AFF2: variants seen among roughly 807,000 people sequenced by gnomAD.
AFF2 encodes the protein ALF transcription elongation factor 2.
AFF2 carries 14 observed loss-of-function variants against 76.9 expected under a neutral mutation model. The ratio of observed to expected loss-of-function variants is 0.18; its 90% CI spans 0.12 to 0.28. The LOEUF is 0.28. Ranked by LOEUF, AFF2 falls within the 10% of genes least tolerant of loss-of-function variation. The pLI is 1.00. For missense variants in AFF2, 868 were observed against 1,001.1 expected (o/e 0.87, Z 1.79); for synonymous variants, 398 against 366.7 (o/e 1.09, Z -0.98).
intron 3 of AFF2, among the ~76,000 whole-genome samples, chrX:148,765,155 G>C (rs1164229204): frequency 3.6e-5 from 4 of 111,795 alleles, no homozygotes. Context: ...CAAAGTGCTG[G>C]GATTACAGGC....
At position 148,731,478 on chromosome X, in the gene AFF2, C is replaced by CTTTA. The variant is rs782310076; in HGVS notation, c.1041+68710_1041+68711insTTTA. Among the ~76,000 whole-genome samples the CTTTA allele has an allele frequency of 1.5e-3, 171 of 111,809 alleles. 1 individual carries two copies. Among genetic ancestry groups the CTTTA allele is most frequent in the African/African-American group, 5.4e-3 (166 of 30,778 alleles). ...AAATAACAGAAGAAAGGAAGCATTT[C>CTTTA]GGACAAAGCACTTACTTTAGAACAA... On this transcript the variant is annotated intron_variant, in intron 3 of 20. Coordinates refer to ENST00000370460, the MANE Select transcript of AFF2 (RefSeq NM_002025.4).
intron 3 of AFF2, among the ~76,000 whole-genome samples, chrX:148,741,307 T>C (rs1427213938): frequency 1.8e-5 from 2 of 110,728 alleles, no homozygotes; most frequent in African/African-American, 6.6e-5. Flanking sequence ...GGGTGGGTCT[T>C]CCTGTGACTG....
intron 4 of AFF2, among the ~76,000 whole-genome samples, chrX:148,831,059 T>G (rs1295511475): frequency 8.9e-6 from 1 of 112,515 alleles, no homozygotes; most frequent in African/African-American, 3.2e-5. Context: ...TATTTGCTTT[T>G]GAAAGAAGAG....
chrX:148,556,252 C>G (rs2053051443), intron 1 of AFF2, among the ~76,000 whole-genome samples: 1 of 112,173 alleles, frequency 8.9e-6, no homozygotes. Context: ...TGCCTACATC[C>G]ATGATTAGAA....
chrX:148,585,596 T>G (rs1446544740), intron 1 of AFF2, among the ~76,000 whole-genome samples: 1 of 110,383 alleles, frequency 9.1e-6, no homozygotes, highest in African/African-American at 3.3e-5. Context: ...TCCCAGCACT[T>G]TGGGAGGCCG....
intron 2 of AFF2, among the ~76,000 whole-genome samples, chrX:148,660,628 T>C (rs781963439): frequency 8.9e-6 from 1 of 112,144 alleles, no homozygotes; most frequent in African/African-American, 3.2e-5. Context: ...CACTCCCTCC[T>C]GTGCACTGAA....
chrX:148,652,270 T>A (rs1011307388), intron 2 of AFF2, 139 bp downstream of exon 2: 5 of 458,171 alleles, frequency 1.1e-5, no homozygotes, highest in African/African-American at 2.5e-5. Flanking sequence ...ATACACTGTA[T>A]TTGAGGCAAC....
intron 1 of AFF2, among the ~76,000 whole-genome samples, chrX:148,596,630 A>G (rs1355008509): frequency 8.9e-6 from 1 of 112,371 alleles, no homozygotes; most frequent in East Asian, 2.8e-4. Flanking sequence ...CAATTAGGCC[A>G]AATAGTGATA....
intron 1 of AFF2, among the ~76,000 whole-genome samples, chrX:148,567,236 C>A (rs1293350821): frequency 8.9e-6 from 1 of 111,798 alleles, no homozygotes; most frequent in African/African-American, 3.3e-5. Context: ...TAGTTCAATA[C>A]CTCTTTCATG....
intron 2 of AFF2, among the ~76,000 whole-genome samples, chrX:148,656,186 G>T (rs1366061106): frequency 2.7e-5 from 3 of 111,969 alleles, no homozygotes; most frequent in African/African-American, 6.5e-5. Context: ...GATTTGGTTG[G>T]TAATAGGGAA....
At chrX:148,610,578 C>G (rs1470336009) in intron 1 of AFF2, among the ~76,000 whole-genome samples, 7 of 111,714 alleles carry the variant, frequency 6.3e-5, no homozygotes, top group African/African-American at 2.3e-4. Flanking sequence ...AGTTGTGTAG[C>G]TGCATCTTTT....
intron 5 of AFF2, among the ~76,000 whole-genome samples, chrX:148,838,290 A>G (rs140884413): frequency 8.9e-6 from 1 of 112,271 alleles, no homozygotes; most frequent in African/African-American, 3.2e-5. Context: ...CTATTCTAAC[A>G]TACTTTAAAA....
chrX:148,875,697 C>T (rs1039082433), intron 7 of AFF2, among the ~76,000 whole-genome samples: 92 of 111,258 alleles, frequency 8.3e-4, no homozygotes, highest in Non-Finnish European at 3.4e-4. Context: ...AAGGGAGTAT[C>T]CTTCTCTACT....
At chrX:148,684,617 A>T (rs1349167657) in intron 3 of AFF2, among the ~76,000 whole-genome samples, 1 of 112,322 alleles carries the variant, frequency 8.9e-6, no homozygotes, top group Non-Finnish European at 1.9e-5. Flanking sequence ...AGGCACTTAG[A>T]ACAAATATAT....
chrX:148,815,089 G>T (rs1603305606), intron 4 of AFF2, among the ~76,000 whole-genome samples: 1 of 111,998 alleles, frequency 8.9e-6, no homozygotes. Context: ...GAATGTTTCA[G>T]AAAGCATGTA....
chrX:148,882,982 T>C (rs1268801508), intron 7 of AFF2, among the ~76,000 whole-genome samples: 3 of 111,661 alleles, frequency 2.7e-5, no homozygotes, highest in Non-Finnish European at 5.6e-5. Context: ...GCTTGTTGCA[T>C]GGTGGGGATG....
intron 11 of AFF2, among the ~76,000 whole-genome samples, chrX:148,956,878 C>A: frequency 8.8e-6 from 1 of 113,028 alleles, no homozygotes; most frequent in Non-Finnish European, 1.9e-5. Flanking sequence ...AGAAAGTCTC[C>A]TTACTTAGGC....
rs781896397 is a variant in AFF2 at position 148,973,513 on chromosome X, C to A, written c.3310C>A (p.Leu1104Ile). Reference protein sequence around the residue: ...GKAVNYADAALSFTECGNAME... With the variant: ...GKAVNYADAAISFTECGNAME... ...AGCTGTGAATTATGCTGATGCCGCC[C>A]TCTCCTTCACTGAATGTGGCAATGC... Residue 1104 changes from leucine (L) to isoleucine (I), a missense_variant, in exon 16 of 21, where the codon CTC becomes ATC. Transcript: ENST00000370460. The A allele has an allele frequency of 3.3e-6, 4 of 1,209,564 alleles. No homozygotes were observed. Among genetic ancestry groups the A allele is most frequent in the South Asian group, 1.8e-5 (1 of 56,754 alleles).
In AFF2 at chrX:148,830,665, G is replaced by T. The variant is rs190311262; in HGVS notation, c.1087-6982G>T. ...AAAAGAGGAGGGAGTGTACAAATAG[G>T]GTGTGGGTCACAGAGATCACATGCT... On this transcript the variant is annotated intron_variant, in intron 4 of 20. Transcript: ENST00000370460. 4.1e-4 allele frequency among the ~76,000 whole-genome samples: 46 copies of T among 111,339 alleles called. 1 individual carries two copies. In the East Asian group the frequency reaches 0.012, roughly 30 times the overall value.
Sources: gnomAD v4.1 joint callset for allele counts (sites outside exome capture counted in the v4.1 genomes callset) on GRCh38, gnomAD v4.1.1 for gene constraint, MANE v1.5 for transcripts, NCBI Gene and HGNC (gene_info 2026-07-23, HGNC 2026-07-21) for gene names.